Variants in FCRL4 observed in about 807,000 individuals in gnomAD.
FCRL4 encodes the protein Fc receptor like 4, also known as Fc receptor-like protein 4.
A neutral mutation model predicts 64.1 loss-of-function variants in FCRL4; 43 were observed. That is an observed-to-expected ratio of 0.67 (90% CI 0.53 to 0.87). FCRL4 has a LOEUF of 0.87. Among genes scored for constraint, FCRL4 ranks in the 40% least tolerant of loss-of-function variants. FCRL4 has a pLI of 0.00. For synonymous variants in FCRL4, 253 were observed against 239.8 expected, an observed-to-expected ratio of 1.05 and a Z score of -0.51; for missense variants, 656 against 613.5, an observed-to-expected ratio of 1.07 and a Z score of -0.73.
chr1:157,576,085 CA>C (rs1172822179), intron 10 of FCRL4, among the ~76,000 whole-genome samples: 3 of 152,170 alleles, frequency 2.0e-5, no homozygotes, highest in African/African-American at 7.2e-5. Context: ...GATTGTTTGG[CA>C]AGTTCCCATT....
Position 157,591,006 on chromosome 1 carries a change from A to T in FCRL4, c.53-1548T>A, listed in dbSNP as rs2777961. ...AATTACAGAGTGGTTCCCCAAATAT[A>T]CCAATAAGGCCCAGATACTTACACA... On this transcript the variant is annotated intron_variant, in intron 2 of 11. Coordinates refer to ENST00000271532, the MANE Select transcript of FCRL4 (RefSeq NM_031282.3). Among the ~76,000 whole-genome samples, 1,116 of 152,244 alleles carry T rather than the reference A, an allele frequency of 7.3e-3. 19 individuals carry two copies. Among genetic ancestry groups the T allele is most frequent in the African/African-American group, 0.026 (1,070 of 41,542 alleles).
At position 157,588,253 on chromosome 1, in the gene FCRL4, T is replaced by C. The variant is rs939756161; in HGVS notation, c.308-134A>G. The C allele has an allele frequency of 1.5e-5, 15 of 981,768 alleles. No homozygotes were observed. In the African/African-American group the frequency reaches 2.5e-4, roughly 16 times the overall value. The allele number at this position is 981,768 out of a possible 1,614,324, so 60.8% of individuals were successfully genotyped here. On this transcript the variant is annotated intron_variant, in intron 3 of 11. Coordinates refer to ENST00000271532, the MANE Select transcript of FCRL4 (RefSeq NM_031282.3). ...GTTTCCTGATCCAAGCTCACGAAAC[T>C]CCTCCTAAATCAGTGTAACATGCTT...
intron 6 of FCRL4, among the ~76,000 whole-genome samples, chr1:157,585,437 C>A (rs1313263135): frequency 7.1e-6 from 1 of 139,964 alleles, no homozygotes; most frequent in Non-Finnish European, 1.5e-5. Context: ...TTCAGAGAGA[C>A]AGGAATACAA....
At chr1:157,593,569 G>A (rs1652886282) in intron 2 of FCRL4, among the ~76,000 whole-genome samples, 1 of 152,112 alleles carries the variant, frequency 6.6e-6, no homozygotes, top group East Asian at 1.9e-4. Context: ...TGTATGCATG[G>A]GCTGTATCTA....
At chr1:157,595,353 G>C (rs1652938326) in intron 2 of FCRL4, among the ~76,000 whole-genome samples, 1 of 152,228 alleles carries the variant, frequency 6.6e-6, no homozygotes, top group Non-Finnish European at 1.5e-5. Context: ...AGGGCCATTG[G>C]GACTTAGGCA....
intron 2 of FCRL4, among the ~76,000 whole-genome samples, chr1:157,595,780 T>C (rs972534572): frequency 2.6e-5 from 4 of 152,188 alleles, no homozygotes; most frequent in Non-Finnish European, 4.4e-5. Flanking sequence ...TCTATAGGAA[T>C]GGCCAAAACA....
intron 8 of FCRL4, among the ~76,000 whole-genome samples, chr1:157,579,454 C>T (rs945928411): frequency 6.6e-6 from 1 of 152,142 alleles, no homozygotes; most frequent in Non-Finnish European, 1.5e-5. Context: ...CAGTGGCTCA[C>T]ACCTGTAATC....
At chr1:157,588,544 A>G (rs1652761437) in intron 3 of FCRL4, among the ~76,000 whole-genome samples, 1 of 152,186 alleles carries the variant, frequency 6.6e-6, no homozygotes, top group Admixed American at 6.5e-5. Context: ...CTTGTCAGAG[A>G]CACAGTCTAG....
At chr1:157,577,035 C>G (rs1422929625) in intron 10 of FCRL4, among the ~76,000 whole-genome samples, 2 of 152,132 alleles carry the variant, frequency 1.3e-5, no homozygotes, top group Admixed American at 1.3e-4. Flanking sequence ...GAGAGAATTG[C>G]TTGTTTCCTT....
chr1:157,580,638 T>C, intron 7 of FCRL4: 1 of 390,674 alleles, frequency 2.6e-6, no homozygotes, highest in Non-Finnish European at 4.7e-6. Flanking sequence ...AAAGTGTCAC[T>C]TGGAGAGTAG....
intron 3 of FCRL4, 44 bp from the exon 4 acceptor site, chr1:157,588,163 G>A (rs755292561): frequency 3.2e-5 from 49 of 1,551,838 alleles, no homozygotes; most frequent in Non-Finnish European, 4.0e-5. Context: ...AAGCATTCCT[G>A]CTATCTCCTT....
rs1571134966 is a variant in FCRL4, at chr1:157,578,872, A to G, written c.1278-20T>C. The stretch of plus-strand genomic sequence containing the variant: ...GGGAGCCTGTGAGACACAGAAACAC[A>G]TAATAATCCCTGGAACACTGTAACA... On this transcript the variant is annotated intron_variant, in intron 8 of 11. Transcript: ENST00000271532. 1 of 1,592,990 alleles carries G rather than the reference A, an allele frequency of 6.3e-7. No homozygotes were observed. The highest frequency in any genetic ancestry group is 8.6e-7 in the Non-Finnish European group (1 of 1,164,642).
intron 5 of FCRL4, among the ~76,000 whole-genome samples, chr1:157,586,835 CCTAT>C (rs903809395): frequency 1.6e-4 from 25 of 152,166 alleles, no homozygotes; most frequent in Admixed American, 5.9e-4. Context: ...ATTTATTGGG[CCTAT>C]CTATCTATCT....
chr1:157,590,627 C>G (rs551870035), intron 2 of FCRL4, among the ~76,000 whole-genome samples: 2 of 151,718 alleles, frequency 1.3e-5, no homozygotes, highest in South Asian at 4.2e-4. Flanking sequence ...AAGCGATTCT[C>G]CTGCCTCAGC....
At chr1:157,590,114 T>C (rs1472370402) in intron 2 of FCRL4, among the ~76,000 whole-genome samples, 1 of 152,176 alleles carries the variant, frequency 6.6e-6, no homozygotes, top group African/African-American at 2.4e-5. Flanking sequence ...ATAAAAACCC[T>C]TGTTTACCAT....
rs1652949124 is a variant in FCRL4, at chr1:157,595,799, G to A, written c.52+529C>T. Among the ~76,000 whole-genome samples the A allele has an allele frequency of 2.6e-5, 4 of 152,324 alleles. No homozygotes were observed. In the South Asian group the frequency reaches 8.3e-4, roughly 32 times the overall value. The stretch of plus-strand genomic sequence containing the variant: ...TAGGAATGGCCAAAACACCTGTGAG[G>A]CAGCTGCCTATAGAGGATGGGACTT... On this transcript the variant is annotated intron_variant, in intron 2 of 11. Transcript: ENST00000271532.
Position 157,581,560 on chromosome 1 carries a change from A to G in FCRL4, c.1220T>C (p.Leu407Pro). ...LSALLLAVAL[L>P]FHCWRRRKSG... is the part of the protein sequence containing the mutation. ...CTTCCTCCGACGCCAGCAGTGAAAC[A>G]GCAGGGCCACAGCCAGGAGAAGAGC... is the stretch of plus-strand genomic sequence containing the variant. The change falls in exon 7 of 12, where the codon CTG becomes CCG. Residue 407 changes from leucine (L) to proline (P), a missense_variant. By Grantham distance (98) the Leu-to-Pro change is moderately conservative. Transcript: ENST00000271532. The G allele has an allele frequency of 6.2e-7, 1 of 1,614,100 alleles. No individual in the cohort carries two copies. Among genetic ancestry groups the G allele is most frequent in the Non-Finnish European group, 8.5e-7 (1 of 1,179,990 alleles).
intron 7 of FCRL4, 151 bp from the exon 8 acceptor site, chr1:157,580,499 A>G (rs1413050863): frequency 2.6e-6 from 2 of 766,270 alleles, no homozygotes; most frequent in Admixed American, 2.3e-5. Context: ...AGGTGAAAAA[A>G]AGATTGTACA....
At position 157,586,389 on chromosome 1, in the gene FCRL4, A is replaced by C. The variant is rs768464492; in HGVS notation, c.914T>G (p.Met305Arg). 1 of 1,613,110 alleles carries C rather than the reference A, an allele frequency of 6.2e-7. No homozygotes were observed. Among genetic ancestry groups the C allele is most frequent in the East Asian group, 2.2e-5 (1 of 44,870 alleles). ...PSGGQAVEGEMLVLVCSVAEG... is the reference protein window; with the variant it reads ...PSGGQAVEGERLVLVCSVAEG... ...AGCCACGGAGCAGACAAGGACCAGC[A>C]TCTCCCCTTCAACAGCCTGGCCCCC... Residue 305 changes from methionine (M) to arginine (R), a missense_variant, in exon 6 of 12, where the codon ATG becomes AGG. Transcript: ENST00000271532.
Sources: allele counts gnomAD v4.1 joint callset (sites outside exome capture counted in the v4.1 genomes callset), GRCh38; gene constraint gnomAD v4.1.1; transcripts MANE v1.5; gene names NCBI Gene and HGNC (gene_info 2026-07-23, HGNC 2026-07-21).